Variants in PEAK1 observed in about 807,000 individuals in gnomAD.
PEAK1 encodes the protein pseudopodium enriched atypical kinase 1.
In PEAK1, 54 loss-of-function variants were observed where a neutral mutation model predicts 124.7. The ratio of observed to expected loss-of-function variants is 0.43; its 90% confidence interval spans 0.35 to 0.54. PEAK1 has a LOEUF of 0.54. PEAK1 is among the 20% of genes least tolerant of loss of function. The pLI, the probability that PEAK1 is intolerant of heterozygous loss-of-function variation, is 0.01. For missense variants in PEAK1, 2,046 were observed against 2,134.5 expected (o/e 0.96, Z 0.82); for synonymous variants, 719 against 760.0 (o/e 0.95, Z 0.89).
chr15:77,388,124 G>A (rs556702702), intron 1 of PEAK1, among the ~76,000 whole-genome samples: 10 of 152,130 alleles, frequency 6.6e-5, no homozygotes, highest in African/African-American at 2.2e-4. Flanking sequence ...AGCCCAAGAG[G>A]TAAAAGCTGC....
At chr15:77,220,114 G>A (rs1203749657) in intron 6 of PEAK1, among the ~76,000 whole-genome samples, 2 of 152,090 alleles carry the variant, frequency 1.3e-5, no homozygotes, top group Non-Finnish European at 2.9e-5. Context: ...AGGAAGAAAA[G>A]ATGGTCATAA....
At chr15:77,268,013 A>C (rs1479838077) in intron 5 of PEAK1, among the ~76,000 whole-genome samples, 1 of 152,210 alleles carries the variant, frequency 6.6e-6, no homozygotes, top group Non-Finnish European at 1.5e-5. Flanking sequence ...GCATAAATAA[A>C]AACTAATCAC....
chr15:77,114,129 G>A lies in PEAK1; in HGVS notation c.*27C>T, dbSNP rs2051144910. 1.3e-6 allele frequency: 2 copies of A among 1,599,714 alleles called. No homozygotes were observed. Among genetic ancestry groups the A allele is most frequent in the Non-Finnish European group, 1.7e-6 (2 of 1,169,002 alleles). ...TGGGTGACATGAAGAAGGTGAAGAT[G>A]TAGTAAAAGCATCATCCAGGTACAC... On this transcript the variant is annotated 3_prime_UTR_variant, in exon 10 of 10. Transcript: ENST00000682557.
At chr15:77,170,357 A>G (rs568998503) in intron 7 of PEAK1, among the ~76,000 whole-genome samples, 8 of 152,196 alleles carry the variant, frequency 5.3e-5, no homozygotes, top group Non-Finnish European at 1.0e-4. Context: ...ATCCAGTAGA[A>G]CTGATTGCAA....
chr15:77,255,672 C>T (rs1001606130), intron 5 of PEAK1: 14 of 152,144 alleles, frequency 9.2e-5, no homozygotes, highest in African/African-American at 3.4e-4. Context: ...CAACTATACA[C>T]CTTAAGGAGG....
In PEAK1 at chr15:77,316,437, CAA is replaced by C. The variant is rs1386479981; in HGVS notation, c.-602-29935_-602-29934del. The stretch of plus-strand genomic sequence containing the variant: ...ACATAAACATACTTAGATTTTATCA[CAA>C]AGTTATTTTCTCTGGAAAATTCTCC... On this transcript the variant is annotated intron_variant, in intron 2 of 9. Transcript: ENST00000682557. Among the ~76,000 whole-genome samples, 6 of 152,278 alleles carry C rather than the reference CAA, an allele frequency of 3.9e-5. 1 individual carries two copies. The highest frequency in any genetic ancestry group is 1.4e-4 in the African/African-American group (6 of 41,556).
At chr15:77,214,638 AG>A (rs2059065765) in intron 6 of PEAK1, among the ~76,000 whole-genome samples, 1 of 151,550 alleles carries the variant, frequency 6.6e-6, no homozygotes, top group Non-Finnish European at 1.5e-5. Flanking sequence ...AAAAAAAAAA[AG>A]AAAAGAAAAG....
chr15:77,254,183 T>C (rs1373912836), intron 5 of PEAK1, among the ~76,000 whole-genome samples: 1 of 152,136 alleles, frequency 6.6e-6, no homozygotes, highest in Non-Finnish European at 1.5e-5. Flanking sequence ...GCATTTATTC[T>C]ACTTGGAGTT....
intron 6 of PEAK1, among the ~76,000 whole-genome samples, chr15:77,240,560 G>A (rs754486266): frequency 6.6e-6 from 1 of 151,626 alleles, no homozygotes; most frequent in Admixed American, 6.6e-5. Flanking sequence ...GGTTGAGGGT[G>A]CCGTGAGCCT....
intron 2 of PEAK1, chr15:77,349,510 A>T: frequency 8.1e-6 from 8 of 985,198 alleles, no homozygotes; most frequent in Non-Finnish European, 9.6e-6. Flanking sequence ...TTGGCTTAAT[A>T]TAATGTAGCA....
intron 1 of PEAK1, among the ~76,000 whole-genome samples, chr15:77,377,501 G>A (rs569551275): frequency 3.5e-4 from 52 of 149,922 alleles, no homozygotes; most frequent in Middle Eastern, 3.4e-3. Context: ...TGCCCAGGCT[G>A]GAGTACAATG....
chr15:77,231,051 T>C (rs1175562060), intron 6 of PEAK1, among the ~76,000 whole-genome samples: 1 of 152,180 alleles, frequency 6.6e-6, no homozygotes, highest in Non-Finnish European at 1.5e-5. Flanking sequence ...TATATAATAT[T>C]TGATGACTGA....
intron 8 of PEAK1, among the ~76,000 whole-genome samples, chr15:77,148,522 T>C (rs1445881662): frequency 6.6e-6 from 1 of 152,182 alleles, no homozygotes; most frequent in Non-Finnish European, 1.5e-5. Context: ...GCCCACAATA[T>C]TTTAGATTTA....
chr15:77,392,847 A>C (rs1027802189), intron 1 of PEAK1, among the ~76,000 whole-genome samples: 1 of 152,196 alleles, frequency 6.6e-6, no homozygotes, highest in Non-Finnish European at 1.5e-5. Flanking sequence ...TTTTAACTTC[A>C]TATCACTGAA....
chr15:77,195,640 A>T (rs1401785967), intron 6 of PEAK1, among the ~76,000 whole-genome samples: 5 of 152,198 alleles, frequency 3.3e-5, no homozygotes, highest in African/African-American at 1.2e-4. Context: ...ATTCCAATGA[A>T]GTCCTCCTAC....
chr15:77,293,877 C>T (rs1330921781), intron 2 of PEAK1, among the ~76,000 whole-genome samples: 2 of 152,004 alleles, frequency 1.3e-5, no homozygotes, highest in Non-Finnish European at 2.9e-5. Flanking sequence ...TTTATTTCCC[C>T]CCAAACAAAA....
At chr15:77,162,831 G>A (rs1356081125) in intron 7 of PEAK1, among the ~76,000 whole-genome samples, 1 of 152,116 alleles carries the variant, frequency 6.6e-6, no homozygotes, top group African/African-American at 2.4e-5. Flanking sequence ...ATTATTTAGA[G>A]TGAAAATTAC....
At chr15:77,151,421 G>C (rs1420702264) in intron 8 of PEAK1, among the ~76,000 whole-genome samples, 1 of 152,188 alleles carries the variant, frequency 6.6e-6, no homozygotes, top group Non-Finnish European at 1.5e-5. Context: ...CCCTTTGTCA[G>C]ATGAATAGAT....
intron 6 of PEAK1, among the ~76,000 whole-genome samples, chr15:77,198,803 G>T (rs1435439950): frequency 1.3e-5 from 2 of 152,158 alleles, no homozygotes; most frequent in African/African-American, 2.4e-5. Context: ...TCTAGAAAAA[G>T]ATTTGGCTTA....
Sources: allele counts gnomAD v4.1 joint callset (sites outside exome capture counted in the v4.1 genomes callset), GRCh38; gene constraint gnomAD v4.1.1; transcripts MANE v1.5; gene names NCBI Gene and HGNC (gene_info 2026-07-23, HGNC 2026-07-21).